HCRTR2: variants seen among roughly 807,000 people sequenced by gnomAD.
HCRTR2 encodes hypocretin receptor 2.
In HCRTR2, 22 loss-of-function variants were observed where a neutral mutation model predicts 49.0. The ratio of observed to expected loss-of-function variants is 0.45; its 90% CI spans 0.32 to 0.64. The LOEUF is 0.64. Ranked by LOEUF, HCRTR2 falls within the 30% of genes least tolerant of loss-of-function variation. The pLI is 0.04. For synonymous variants in HCRTR2, 236 were observed against 205.3 expected, an observed-to-expected ratio of 1.15 and a Z score of -1.28; for missense variants, 491 against 559.4, an observed-to-expected ratio of 0.88 and a Z score of 1.23.
chr6:55,245,571 T>G (rs1242590371), intron 1 of HCRTR2, among the ~76,000 whole-genome samples: 1 of 147,902 alleles, frequency 6.8e-6, no homozygotes, highest in African/African-American at 2.5e-5. Flanking sequence ...CTTAATAGAC[T>G]GACAGTAACC....
chr6:55,219,796 C>A (rs539793129), intron 1 of HCRTR2, among the ~76,000 whole-genome samples: 1 of 151,738 alleles, frequency 6.6e-6, no homozygotes, highest in South Asian at 2.1e-4. Flanking sequence ...AATTTACAAA[C>A]CTTTGGCTAG....
chr6:55,244,063 T>C (rs990510057), intron 1 of HCRTR2, among the ~76,000 whole-genome samples: 1 of 152,086 alleles, frequency 6.6e-6, no homozygotes, highest in Non-Finnish European at 1.5e-5. Flanking sequence ...GGGCACGGAA[T>C]ATGTTTGACA....
chr6:55,109,551 G>GACA (rs1764021742), intron 1 of HCRTR2, among the ~76,000 whole-genome samples: 1 of 152,008 alleles, frequency 6.6e-6, no homozygotes, highest in Non-Finnish European at 1.5e-5. Context: ...GGGAATGAAG[G>GACA]ACACACTTGT....
At chr6:55,188,149 G>A (rs1163774437) in intron 1 of HCRTR2, among the ~76,000 whole-genome samples, 2 of 152,136 alleles carry the variant, frequency 1.3e-5, no homozygotes, top group African/African-American at 4.8e-5. Flanking sequence ...AGTCTGCGTA[G>A]CAAATTGAAA....
intron 1 of HCRTR2, among the ~76,000 whole-genome samples, chr6:55,123,959 A>G (rs1764239403): frequency 6.6e-6 from 1 of 152,062 alleles, no homozygotes; most frequent in South Asian, 2.1e-4. Context: ...TTTCTGTGGG[A>G]TCAGTAGTTA....
chr6:55,155,708 A>G (rs1376657402), intron 1 of HCRTR2, among the ~76,000 whole-genome samples: 1 of 152,044 alleles, frequency 6.6e-6, no homozygotes, highest in Non-Finnish European at 1.5e-5. Flanking sequence ...TTATAGAAAA[A>G]AAGTTTGTAA....
intron 1 of HCRTR2, among the ~76,000 whole-genome samples, chr6:55,223,299 T>C (rs1409384632): frequency 6.6e-6 from 1 of 152,188 alleles, no homozygotes; most frequent in Non-Finnish European, 1.5e-5. Flanking sequence ...CAACAAGCCA[T>C]CTGGTTACTT....
intron 4 of HCRTR2, among the ~76,000 whole-genome samples, chr6:55,274,639 G>C (rs1337503587): frequency 6.6e-6 from 1 of 151,988 alleles, no homozygotes; most frequent in Non-Finnish European, 1.5e-5. Context: ...CGAGTGGTGA[G>C]AGAAGACTTG....
chr6:55,242,337 C>T (rs2127307366), intron 1 of HCRTR2, among the ~76,000 whole-genome samples: 1 of 152,068 alleles, frequency 6.6e-6, no homozygotes, highest in East Asian at 1.9e-4. Flanking sequence ...TGAAACTCTT[C>T]ACTCATGGAA....
chr6:55,224,487 G>A (rs1765959080), intron 1 of HCRTR2, among the ~76,000 whole-genome samples: 1 of 152,092 alleles, frequency 6.6e-6, no homozygotes, highest in Admixed American at 6.6e-5. Context: ...GCCGGGCATG[G>A]TGGTGGGCGC....
chr6:55,255,806 T>C (rs1581860261), intron 3 of HCRTR2, among the ~76,000 whole-genome samples: 1 of 152,166 alleles, frequency 6.6e-6, no homozygotes, highest in South Asian at 2.1e-4. Flanking sequence ...ACTGAATTTT[T>C]TCATTTTAAG....
chr6:55,144,261 C>T (rs1013301008), intron 1 of HCRTR2, among the ~76,000 whole-genome samples: 4 of 151,904 alleles, frequency 2.6e-5, no homozygotes, highest in Non-Finnish European at 5.9e-5. Context: ...TACAGGCATG[C>T]GCCACCACGT....
At chr6:55,125,918 C>G (rs6929381) in intron 1 of HCRTR2, among the ~76,000 whole-genome samples, 1 of 151,984 alleles carries the variant, frequency 6.6e-6, no homozygotes, top group Non-Finnish European at 1.5e-5. Context: ...GCGATTGATA[C>G]CTGTGTATGC....
chr6:55,206,278 A>G (rs1765599810), intron 1 of HCRTR2, among the ~76,000 whole-genome samples: 1 of 152,256 alleles, frequency 6.6e-6, no homozygotes, highest in East Asian at 1.9e-4. Context: ...GTAATATCTG[A>G]AACCATTTTC....
chr6:55,254,766 T>G lies in HCRTR2; in HGVS notation c.403-370T>G, dbSNP rs920104951. Among the ~76,000 whole-genome samples the G allele has an allele frequency of 3.0e-4, 44 of 145,774 alleles. 1 individual carries two copies. Among genetic ancestry groups the G allele is most frequent in the Middle Eastern group, 3.4e-3 (1 of 290 alleles). ...TCCAGTTTGGACTAAACATATGTGT[T>G]TTTTTTTTTCTATATGAGGGTATGA... On this transcript the variant is annotated intron_variant, in intron 2 of 6. Transcript: ENST00000370862.
intron 1 of HCRTR2, among the ~76,000 whole-genome samples, chr6:55,139,601 G>A (rs962442551): frequency 6.6e-6 from 1 of 152,098 alleles, no homozygotes; most frequent in Non-Finnish European, 1.5e-5. Flanking sequence ...TGATAGTTAT[G>A]CTCCCTTCCA....
chr6:55,222,567 G>T (rs1055574314), intron 1 of HCRTR2, among the ~76,000 whole-genome samples: 2 of 152,110 alleles, frequency 1.3e-5, no homozygotes, highest in African/African-American at 4.8e-5. Flanking sequence ...TCAATAAAAT[G>T]TGGCATGTAC....
At chr6:55,276,373 G>C (rs937835780) in intron 4 of HCRTR2, among the ~76,000 whole-genome samples, 1 of 152,164 alleles carries the variant, frequency 6.6e-6, no homozygotes, top group Non-Finnish European at 1.5e-5. Flanking sequence ...ACTTTGATCT[G>C]GTGGTGTAAA....
At chr6:55,155,412 TTG>T (rs1236084780) in intron 1 of HCRTR2, among the ~76,000 whole-genome samples, 2 of 152,004 alleles carry the variant, frequency 1.3e-5, no homozygotes, top group African/African-American at 4.8e-5. Context: ...GTAGCCAAAC[TTG>T]TATTTAAATA....
Sources: allele counts gnomAD v4.1 joint callset (sites outside exome capture counted in the v4.1 genomes callset), GRCh38; gene constraint gnomAD v4.1.1; transcripts MANE v1.5; gene names NCBI Gene and HGNC (gene_info 2026-07-23, HGNC 2026-07-21).